The following CARMIL1 variants were observed in gnomAD, a reference collection of about 807,000 sequenced individuals.
CARMIL1 encodes capping protein regulator and myosin 1 linker 1, also known as F-actin-uncapping protein LRRC16A.
CARMIL1 carries 90 observed loss-of-function variants against 177.1 expected under a neutral mutation model. That is an observed-to-expected ratio of 0.51 (90% CI 0.43 to 0.61). The LOEUF (loss-of-function observed/expected upper bound fraction) is 0.61. Among genes scored for constraint, CARMIL1 ranks in the 20% least tolerant of loss-of-function variants. CARMIL1 has a pLI of 0.00. For synonymous variants in CARMIL1, 577 were observed against 606.2 expected (o/e 0.95, Z 0.71); for missense variants, 1,380 against 1,667.0 (o/e 0.83, Z 3.00).
chr6:25,611,980 C>T (rs189830452), intron 36 of CARMIL1, among the ~76,000 whole-genome samples: 2 of 152,284 alleles, frequency 1.3e-5, no homozygotes, highest in Non-Finnish European at 1.5e-5. Flanking sequence ...TGTTTGATTC[C>T]CTTCCTCATC....
intron 2 of CARMIL1, among the ~76,000 whole-genome samples, chr6:25,386,089 T>G (rs922143197): frequency 4.6e-5 from 7 of 152,236 alleles, no homozygotes; most frequent in Non-Finnish European, 7.3e-5. Context: ...AAGGGTAGGA[T>G]TAACCTTGGA....
rs564207222 is a variant in CARMIL1, at chr6:25,324,299, G to C, written c.138+39390G>C. Reference sequence around the variant, plus strand: ...GCCCTGAATGGTGTCAGAGTTCACAGTGCAAAGCAGTAATTATGTTGAAGA... The same window carrying C: ...GCCCTGAATGGTGTCAGAGTTCACACTGCAAAGCAGTAATTATGTTGAAGA... On this transcript the variant is annotated intron_variant, in intron 2 of 36. Coordinates refer to ENST00000329474, the MANE Select transcript of CARMIL1 (RefSeq NM_017640.6). 5.3e-5 allele frequency among the ~76,000 whole-genome samples: 8 copies of C among 152,056 alleles called. No individual in the cohort carries two copies. The South Asian group carries it at 1.7e-3, about 32-fold the overall frequency.
intron 8 of CARMIL1, among the ~76,000 whole-genome samples, chr6:25,463,197 T>C (rs1373168346): frequency 1.3e-5 from 2 of 152,256 alleles, no homozygotes; most frequent in African/African-American, 4.8e-5. Context: ...CCTTGAATGC[T>C]AACAAGGTAT....
rs1197046995 is a variant in CARMIL1 at position 25,558,438 on chromosome 6, G to T, written c.2742+1588G>T. ...ACTTTGTTTGGAAGTAAGTTTTTTT[G>T]TTTGTTTAATTTGGTTTAGTTTTGT... On this transcript the variant is annotated intron_variant, in intron 29 of 36. Transcript: ENST00000329474. The surrounding 1 kb of genome is among the most constrained non-coding windows in gnomAD (Gnocchi z 4.1). Among the ~76,000 whole-genome samples, 1 of 152,056 alleles carries T rather than the reference G, an allele frequency of 6.6e-6. No individual in the cohort carries two copies. Among genetic ancestry groups the T allele is most frequent in the East Asian group, 1.9e-4 (1 of 5,188 alleles).
chr6:25,417,260 G>GT (rs1365486503), intron 2 of CARMIL1, among the ~76,000 whole-genome samples: 2 of 152,092 alleles, frequency 1.3e-5, no homozygotes, highest in East Asian at 3.9e-4. Flanking sequence ...CAAGCCAAGC[G>GT]TATCTCTGGT....
At chr6:25,472,664 C>T (rs1237527594) in intron 11 of CARMIL1, 143 bp downstream of exon 11, 1 of 615,244 alleles carries the variant, frequency 1.6e-6, no homozygotes, top group Admixed American at 3.0e-5. Flanking sequence ...CAGTTCTTTC[C>T]ACCCTTTCAT....
chr6:25,441,335 A>ATGTGTGTG (rs1348225958), intron 5 of CARMIL1, among the ~76,000 whole-genome samples: 140 of 66,844 alleles, frequency 2.1e-3, no homozygotes, highest in South Asian at 3.4e-3. Flanking sequence ...ATATATATAT[A>ATGTGTGTG]TATGTGTGTG....
At chr6:25,465,608 C>A in intron 8 of CARMIL1, 1 of 415,862 alleles carries the variant, frequency 2.4e-6, no homozygotes, top group Non-Finnish European at 4.3e-6. Flanking sequence ...TCTCTCAGAG[C>A]AAGGAGGTTT....
At chr6:25,401,277 C>T (rs1250858211) in intron 2 of CARMIL1, among the ~76,000 whole-genome samples, 2 of 122,104 alleles carry the variant, frequency 1.6e-5, no homozygotes, top group Admixed American at 7.9e-5. Flanking sequence ...ACATTTTATA[C>T]ACAAACACAC....
chr6:25,605,768 T>G (rs1263237609), intron 34 of CARMIL1, among the ~76,000 whole-genome samples: 1 of 152,234 alleles, frequency 6.6e-6, no homozygotes, highest in Non-Finnish European at 1.5e-5. Flanking sequence ...GTTTTCCTTG[T>G]ATGTGATTAC....
intron 29 of CARMIL1, among the ~76,000 whole-genome samples, chr6:25,569,627 G>A (rs1811880871): frequency 6.6e-6 from 1 of 152,114 alleles, no homozygotes; most frequent in Non-Finnish European, 1.5e-5. Flanking sequence ...CAGTGTTGTT[G>A]TTAACTACTA....
intron 2 of CARMIL1, among the ~76,000 whole-genome samples, chr6:25,392,217 T>C (rs969551218): frequency 2.0e-5 from 3 of 152,084 alleles, no homozygotes; most frequent in Non-Finnish European, 4.4e-5. Context: ...TTATTGCAGT[T>C]GGACAGGACT....
chr6:25,578,799 A>C (rs1204989964), intron 29 of CARMIL1, among the ~76,000 whole-genome samples: 1 of 152,204 alleles, frequency 6.6e-6, no homozygotes, highest in Non-Finnish European at 1.5e-5. Context: ...ATTAGAAGTT[A>C]CTTACCCTTG....
intron 23 of CARMIL1, 74 bp downstream of exon 23, chr6:25,520,411 A>C (rs994494106): frequency 1.2e-6 from 1 of 828,610 alleles, no homozygotes; most frequent in Non-Finnish European, 1.9e-6. Flanking sequence ...ACTTATAAAC[A>C]ATACTTTGTT....
chr6:25,604,444 G>A (rs1037293216), intron 33 of CARMIL1, among the ~76,000 whole-genome samples: 3 of 152,192 alleles, frequency 2.0e-5, no homozygotes, highest in Admixed American at 6.5e-5. Flanking sequence ...GCATGCAAGG[G>A]CCCTCATCAC....
Position 25,296,943 on chromosome 6 carries a change from C to CTATCTT in CARMIL1, c.138+12036_138+12037insTCTTTA, listed in dbSNP as rs1554153634. Reference sequence around the variant, plus strand: ...TATCTATCTATCTATCTTTAACTAACTAACTAACTAACTAACTAACTAAAG... The same window carrying CTATCTT: ...TATCTATCTATCTATCTTTAACTAACTATCTTTAACTAACTAACTAACTAACTAAAG... On this transcript the variant is annotated intron_variant, in intron 2 of 36. Coordinates refer to ENST00000329474, the MANE Select transcript of CARMIL1 (RefSeq NM_017640.6). Among the ~76,000 whole-genome samples, 550 of 72,740 alleles carry CTATCTT rather than the reference C, an allele frequency of 7.6e-3. 5 individuals carry two copies. Among genetic ancestry groups the CTATCTT allele is most frequent in the African/African-American group, 0.024 (449 of 19,024 alleles). The allele number at this position is 72,740 out of a possible 152,430, so 47.7% of individuals were successfully genotyped here.
chr6:25,503,555 T>C (rs1216764044), intron 17 of CARMIL1, among the ~76,000 whole-genome samples: 1 of 152,238 alleles, frequency 6.6e-6, no homozygotes, highest in Non-Finnish European at 1.5e-5. Flanking sequence ...TGTTTGATAT[T>C]GTAGAGTTTA....
intron 8 of CARMIL1, among the ~76,000 whole-genome samples, chr6:25,452,952 T>C (rs1350513902): frequency 3.3e-5 from 5 of 152,352 alleles, no homozygotes; most frequent in South Asian, 2.1e-4. Context: ...TTTTTTGTAT[T>C]TTGTTACATT....
chr6:25,512,664 C>T (rs1805569173), intron 20 of CARMIL1, among the ~76,000 whole-genome samples: 1 of 152,138 alleles, frequency 6.6e-6, no homozygotes, highest in African/African-American at 2.4e-5. Context: ...CTATGGAATA[C>T]CTTATTCACC....
Sources: allele counts gnomAD v4.1 joint callset (sites outside exome capture counted in the v4.1 genomes callset), GRCh38; gene constraint gnomAD v4.1.1; non-coding constraint Gnocchi (gnomAD v3.1); transcripts MANE v1.5; gene names NCBI Gene and HGNC (gene_info 2026-07-23, HGNC 2026-07-21).